OGA: variants seen among roughly 807,000 people sequenced by gnomAD.
OGA encodes protein O-GlcNAcase.
OGA carries 21 observed loss-of-function variants against 102.0 expected under a neutral mutation model. The ratio of observed to expected loss-of-function variants is 0.21; its 90% CI spans 0.15 to 0.30. The LOEUF is 0.30. OGA is among the 10% of genes least tolerant of loss of function. The pLI, the probability that OGA is intolerant of heterozygous loss-of-function variation, is 1.00. For missense variants in OGA, 765 were observed against 1,107.8 expected, an observed-to-expected ratio of 0.69 and a Z score of 4.39; for synonymous variants, 408 against 378.2, an observed-to-expected ratio of 1.08 and a Z score of -0.91.
chr10:101,801,649 C>G (rs1564645259), intron 7 of OGA, among the ~76,000 whole-genome samples: 1 of 152,146 alleles, frequency 6.6e-6, no homozygotes, highest in Non-Finnish European at 1.5e-5. Flanking sequence ...ACGCTGACAG[C>G]ATTTAAATTA....
At position 101,791,434 on chromosome 10, in the gene OGA, G is replaced by A. The variant is rs967636588; in HGVS notation, c.2181C>T (p.Ser727=). 4.3e-6 allele frequency: 7 copies of A among 1,613,142 alleles called. No homozygotes were observed. The highest frequency in any genetic ancestry group is 1.7e-5 in the Admixed American group (1 of 59,976). ...ACATTTCTCTGCAAATCTTGTACACGGATGCCTGAAAATATAATCTAGTTA... is the reference window on the plus strand; with the variant it reads ...ACATTTCTCTGCAAATCTTGTACACAGATGCCTGAAAATATAATCTAGTTA... ...IRPYFPKDEA[S]VYKICREMYD... is the part of the protein sequence containing the mutation. The change falls in exon 13 of 16, where the codon TCC becomes TCT. Residue 727 remains serine (S), a synonymous_variant. Transcript: ENST00000361464.
intron 3 of OGA, among the ~76,000 whole-genome samples, chr10:101,811,181 G>C (rs936025725): frequency 6.6e-6 from 1 of 151,836 alleles, no homozygotes; most frequent in Non-Finnish European, 1.5e-5. Flanking sequence ...CTGAGGTCAG[G>C]AGTTTGAGAC....
At chr10:101,798,372 G>A (rs1371485588) in intron 9 of OGA, among the ~76,000 whole-genome samples, 6 of 149,378 alleles carry the variant, frequency 4.0e-5, no homozygotes, top group Non-Finnish European at 8.9e-5. Flanking sequence ...GAAGGTACCA[G>A]ATTTAGTAGA....
Position 101,807,921 on chromosome 10 carries a change from A to AG in OGA, c.481-21_481-20insC. On this transcript the variant is annotated intron_variant, in intron 4 of 15. Transcript: ENST00000361464. ...AGAAACCTAGGAGAAAAAAAAAAAA[A>AG]AGAATCAAGAGTAAAAAAATTAAGA... The AG allele has an allele frequency of 6.8e-7, 1 of 1,475,114 alleles. No individual in the cohort carries two copies. 91.4% of individuals were successfully genotyped at this position (1,475,114 alleles called of 1,614,324 possible). A position where few individuals can be genotyped will look rare whatever the true frequency, so the allele number is the denominator to read the frequency against.
chr10:101,815,281 TC>T (rs2065607016), intron 1 of OGA, among the ~76,000 whole-genome samples: 1 of 150,466 alleles, frequency 6.6e-6, no homozygotes, highest in Admixed American at 6.6e-5. Flanking sequence ...TACAAAATAT[TC>T]TTTTTTTTTT....
At chr10:101,801,675 T>C (rs969372152) in intron 7 of OGA, among the ~76,000 whole-genome samples, 11 of 152,200 alleles carry the variant, frequency 7.2e-5, no homozygotes, top group East Asian at 5.8e-4. Flanking sequence ...CCAATTTGTT[T>C]TTTATTGAGG....
In OGA at chr10:101,792,905, A is replaced by G. The variant is rs79132044; in HGVS notation, c.2109T>C (p.Phe703=). ...LPIDGANDLF[F]QPPPLTPTSK... is the part of the protein sequence containing the mutation. ...AGGTAGGAGTCAGTGGAGGTGGCTG[A>G]AAAAAGAGATCATTTGCCCCATCAA... The change falls in exon 12 of 16, where the codon TTT becomes TTC. Residue 703 remains phenylalanine (F), a synonymous_variant. Transcript: ENST00000361464. 1.2e-6 allele frequency: 2 copies of G among 1,613,834 alleles called. No individual in the cohort carries two copies. Among genetic ancestry groups the G allele is most frequent in the Admixed American group, 3.3e-5 (2 of 60,016 alleles).
At chr10:101,806,453 G>A (rs948430822) in intron 5 of OGA, among the ~76,000 whole-genome samples, 6 of 152,132 alleles carry the variant, frequency 3.9e-5, no homozygotes, top group South Asian at 2.1e-4. Flanking sequence ...CAATCCGCCC[G>A]CCTTGGCCTC....
Position 101,785,351 on chromosome 10 carries a change from TAA to T in OGA, c.*1098_*1099del. The T allele has an allele frequency of 6.6e-6, 1 of 152,530 alleles. No homozygotes were observed. Among genetic ancestry groups the T allele is most frequent in the East Asian group, 1.9e-4 (1 of 5,188 alleles). The allele number at this position is 152,530 out of a possible 1,614,324, so 9.4% of individuals were successfully genotyped here. A position where few individuals can be genotyped will look rare whatever the true frequency, so the allele number is the denominator to read the frequency against. On this transcript the variant is annotated 3_prime_UTR_variant, in exon 16 of 16. Coordinates refer to ENST00000361464, the MANE Select transcript of OGA (RefSeq NM_012215.5). ...AAATTAGATACAAACATGCAAGAAT[TAA>T]AGACTCTGATTTAATAAAATCAGTA...
At chr10:101,788,902 CAG>C (rs1412184779) in intron 14 of OGA, among the ~76,000 whole-genome samples, 1 of 152,136 alleles carries the variant, frequency 6.6e-6, no homozygotes, top group African/African-American at 2.4e-5. Context: ...AAGGAGTATA[CAG>C]AAACTCTGTT....
intron 4 of OGA, among the ~76,000 whole-genome samples, chr10:101,809,245 C>T (rs552686526): frequency 5.0e-4 from 76 of 152,304 alleles, no homozygotes; most frequent in African/African-American, 1.8e-3. Context: ...CCACCAATCA[C>T]CTAGATTCCC....
Position 101,818,092 on chromosome 10 carries a change from G to A in OGA, c.-70C>T. 6.9e-7 allele frequency: 1 copy of A among 1,447,348 alleles called. No individual in the cohort carries two copies. The highest frequency in any genetic ancestry group is 9.1e-7 in the Non-Finnish European group (1 of 1,098,738). 89.7% of individuals were successfully genotyped at this position (1,447,348 alleles called of 1,614,324 possible). A position where few individuals can be genotyped will look rare whatever the true frequency, so the allele number is the denominator to read the frequency against. On this transcript the variant is annotated 5_prime_UTR_variant, in exon 1 of 16. Coordinates refer to ENST00000361464, the MANE Select transcript of OGA (RefSeq NM_012215.5). ...CTCTGTCCGTTGGGGCACCGGCCCGGAGCCCTGGAGAGGGCTTCAGCTCCA... is the reference window on the plus strand; with the variant it reads ...CTCTGTCCGTTGGGGCACCGGCCCGAAGCCCTGGAGAGGGCTTCAGCTCCA...
intron 7 of OGA, among the ~76,000 whole-genome samples, chr10:101,800,780 T>TC (rs200370051): frequency 0.037 from 5,406 of 148,064 alleles, 141 homozygotes; most frequent in Non-Finnish European, 0.053. Context: ...TCTTTTTTTT[T>TC]TTTTTTTTTT....
At chr10:101,811,924 C>T (rs1245001775) in intron 3 of OGA, among the ~76,000 whole-genome samples, 1 of 151,906 alleles carries the variant, frequency 6.6e-6, no homozygotes, top group Non-Finnish European at 1.5e-5. Context: ...GATTATTGAT[C>T]ACATTAAGTT....
rs913959244 is a variant in OGA, at chr10:101,785,051, A to G, written c.*1400T>C. ...GTGGAGTTCTGTGAAAGAAAACTTA[A>G]GTTTCTTTCTCTTTACCCCTCTCCC... On this transcript the variant is annotated 3_prime_UTR_variant, in exon 16 of 16. Transcript: ENST00000361464. 3 of 152,212 alleles carry G rather than the reference A, an allele frequency of 2.0e-5. No individual in the cohort carries two copies. The highest frequency in any genetic ancestry group is 7.2e-5 in the African/African-American group (3 of 41,442). 9.4% of individuals were successfully genotyped at this position (152,212 alleles called of 1,614,324 possible). A position where few individuals can be genotyped will look rare whatever the true frequency, so the allele number is the denominator to read the frequency against.
At chr10:101,790,695 C>A (rs528354479) in intron 14 of OGA, among the ~76,000 whole-genome samples, 160 of 152,236 alleles carry the variant, frequency 1.1e-3, no homozygotes, top group Middle Eastern at 3.4e-3. Context: ...AAAACTGTCC[C>A]AATATTGGGG....
At chr10:101,812,505 G>A (rs2065571733) in intron 3 of OGA, among the ~76,000 whole-genome samples, 1 of 152,166 alleles carries the variant, frequency 6.6e-6, no homozygotes, top group Admixed American at 6.5e-5. Context: ...TGCTGACAAG[G>A]CCAAGCCATA....
At position 101,792,835 on chromosome 10, in the gene OGA, T is replaced by C; in HGVS notation, c.2175+4A>G. The C allele has an allele frequency of 1.9e-6, 3 of 1,578,302 alleles. No individual in the cohort carries two copies. The highest frequency in any genetic ancestry group is 2.6e-6 in the Non-Finnish European group (3 of 1,147,512). On this transcript the variant is annotated splice_donor_region_variant and intron_variant, in intron 12 of 15. Coordinates refer to ENST00000361464, the MANE Select transcript of OGA (RefSeq NM_012215.5). ...ACCAAGTTGGTAGGTAGAGAGACAA[T>C]TACCTCATCCTTAGGAAAATAAGGT... is the stretch of plus-strand genomic sequence containing the variant.
rs748969601 is a variant in OGA, at chr10:101,800,346, C to G, written c.1091G>C (p.Ser364Thr). 1.2e-6 allele frequency: 2 copies of G among 1,612,738 alleles called. No individual in the cohort carries two copies. The highest frequency in any genetic ancestry group is 3.3e-5 in the Admixed American group (2 of 59,998). Residue 364 changes from serine to threonine, a missense_variant, in exon 8 of 16, where the codon AGT becomes ACT. Transcript: ENST00000361464. ...TACATCAGTTTCAATATCTTCATCA[C>G]TGCCTTCATTTTCTAATTTTATCTG... Reference protein sequence around the residue: ...SIQIKLENEGSDEDIETDVLY... With the variant: ...SIQIKLENEGTDEDIETDVLY...
Sources: allele counts gnomAD v4.1 joint callset (sites outside exome capture counted in the v4.1 genomes callset), GRCh38; gene constraint gnomAD v4.1.1; transcripts MANE v1.5; gene names NCBI Gene and HGNC (gene_info 2026-07-23, HGNC 2026-07-21).